CC2D1A: variants seen among roughly 807,000 people sequenced by gnomAD.
CC2D1A encodes the protein coiled-coil and C2 domain containing 1A, also known as coiled-coil and C2 domain-containing protein 1A.
CC2D1A carries 68 observed loss-of-function variants against 123.8 expected under a neutral mutation model. The ratio of observed to expected loss-of-function variants is 0.55; its 90% confidence interval spans 0.45 to 0.67. CC2D1A has a LOEUF of 0.67. Among genes scored for constraint, CC2D1A ranks in the 30% least tolerant of loss-of-function variants. The pLI is 0.00. For synonymous variants in CC2D1A, 477 were observed against 528.0 expected, an observed-to-expected ratio of 0.90 and a Z score of 1.32; for missense variants, 1,185 against 1,290.3, an observed-to-expected ratio of 0.92 and a Z score of 1.25.
At position 13,908,280 on chromosome 19, in the gene CC2D1A, GGTTACAGGCGTGA is replaced by G. The variant is rs140542297; in HGVS notation, c.61-1541_61-1529del. 4.2e-3 allele frequency among the ~76,000 whole-genome samples: 641 copies of G among 152,228 alleles called. 8 individuals carry two copies. The highest frequency in any genetic ancestry group is 0.015 in the African/African-American group (614 of 41,546). ...CTGCCTCGGCCTCCCAAAGTGCTGG[GGTTACAGGCGTGA>G]GCCACCGTGCCCGGCCTAATTTTTG... On this transcript the variant is annotated intron_variant, in intron 1 of 28. Transcript: ENST00000318003.
intron 17 of CC2D1A, among the ~76,000 whole-genome samples, chr19:13,924,828 G>T (rs1971536519): frequency 6.6e-6 from 1 of 151,938 alleles, no homozygotes; most frequent in Non-Finnish European, 1.5e-5. Context: ...GCTGCCCTTG[G>T]GATAACCCCC....
chr19:13,913,709 G>T (rs1370798155), intron 6 of CC2D1A, 71 bp downstream of exon 6: 2 of 1,203,420 alleles, frequency 1.7e-6, no homozygotes, highest in Non-Finnish European at 2.3e-6. Flanking sequence ...GCTCTAGGGG[G>T]GTGCCGGCTG....
rs777508781 is a variant in CC2D1A, at chr19:13,913,689, G to T, written c.748+51G>T. 97 of 1,376,376 alleles carry T rather than the reference G, an allele frequency of 7.0e-5. 1 individual carries two copies. Among genetic ancestry groups the T allele is most frequent in the Non-Finnish European group, 2.0e-6 (2 of 1,012,160 alleles). The allele number at this position is 1,376,376 out of a possible 1,614,324, so 85.3% of individuals were successfully genotyped here. A position where few individuals can be genotyped will look rare whatever the true frequency, so the allele number is the denominator to read the frequency against. ...ATATGGGATCCGAGTGGGCCATCTG[G>T]CAGGATGCTGCTCTAGGGGGGTGCC... is the stretch of plus-strand genomic sequence containing the variant. On this transcript the variant is annotated intron_variant, in intron 6 of 28. Coordinates refer to ENST00000318003, the MANE Select transcript of CC2D1A (RefSeq NM_017721.5).
At chr19:13,912,285 A>G (rs771735986) in intron 2 of CC2D1A, 38 bp from the exon 3 acceptor site, 17 of 1,548,424 alleles carry the variant, frequency 1.1e-5, no homozygotes, top group Admixed American at 7.9e-5. Flanking sequence ...CTCTTGGTGT[A>G]CGACCCTGGT....
At position 13,929,318 on chromosome 19, in the gene CC2D1A, G is replaced by A; in HGVS notation, c.2520-61G>A. The A allele has an allele frequency of 1.9e-6, 3 of 1,566,312 alleles. No homozygotes were observed. In the South Asian group the frequency reaches 3.3e-5, roughly 17 times the overall value. On this transcript the variant is annotated intron_variant, in intron 24 of 28. Coordinates refer to ENST00000318003, the MANE Select transcript of CC2D1A (RefSeq NM_017721.5). ...CTGTGCCCAGCCCAGTGTGTCTTTTGAATTAACAGGGTTGGGCTGGGGGAA... is the reference window on the plus strand; with the variant it reads ...CTGTGCCCAGCCCAGTGTGTCTTTTAAATTAACAGGGTTGGGCTGGGGGAA...
Position 13,927,960 on chromosome 19 carries a change from C to T in CC2D1A, c.2384C>T (p.Thr795Ile). 4 of 1,613,798 alleles carry T rather than the reference C, an allele frequency of 2.5e-6. No individual in the cohort carries two copies. Among genetic ancestry groups the T allele is most frequent in the Non-Finnish European group, 3.4e-6 (4 of 1,179,924 alleles). Reference protein sequence around the residue: ...EVMVRIREPLTAQQLETTTER... With the variant: ...EVMVRIREPLIAQQLETTTER... ...ATGGTCCGGATTCGGGAGCCACTGA[C>T]AGCCCAGCAGTTGGAGACGACGACA... is the stretch of plus-strand genomic sequence containing the variant. The change falls in exon 23 of 29, where the codon ACA (threonine) becomes ATA (isoleucine). Residue 795 changes from threonine (T) to isoleucine (I), a missense_variant. Physicochemically the swap from Thr to Ile is moderately conservative, Grantham distance 89. Coordinates refer to ENST00000318003, the MANE Select transcript of CC2D1A (RefSeq NM_017721.5).
chr19:13,919,335 T>C (rs1971327299), intron 11 of CC2D1A, 133 bp downstream of exon 11: 1 of 669,262 alleles, frequency 1.5e-6, no homozygotes. Context: ...CAGATGCTAT[T>C]ACTCCCCATA....
chr19:13,927,855 C>T, intron 22 of CC2D1A, 38 bp from the exon 23 acceptor site: 2 of 1,606,446 alleles, frequency 1.2e-6, no homozygotes, highest in Non-Finnish European at 1.7e-6. Context: ...TAGTCACTTC[C>T]TGCTTCCCAC....
chr19:13,918,318 T>G (rs774092516), intron 7 of CC2D1A, 124 bp downstream of exon 7: 12 of 1,257,768 alleles, frequency 9.5e-6, no homozygotes, highest in Admixed American at 2.8e-5. Context: ...TTGCTGTAAG[T>G]CTTGGAGCCT....
chr19:13,928,343 T>C (rs531427474), intron 24 of CC2D1A, among the ~76,000 whole-genome samples, 155 bp downstream of exon 24: 4 of 152,238 alleles, frequency 2.6e-5, no homozygotes, highest in Non-Finnish European at 2.9e-5. Context: ...CAGTTTAAAC[T>C]CCTTGGTTTG....
At chr19:13,907,060 C>T (rs530875282) in intron 1 of CC2D1A, among the ~76,000 whole-genome samples, 9 of 152,182 alleles carry the variant, frequency 5.9e-5, no homozygotes, top group Admixed American at 2.6e-4. Flanking sequence ...GTCTGGCTGA[C>T]CTGAAGTTCC....
At position 13,918,785 on chromosome 19, in the gene CC2D1A, C is replaced by A; in HGVS notation, c.986C>A (p.Pro329His). The A allele has an allele frequency of 6.2e-7, 1 of 1,613,552 alleles. No individual in the cohort carries two copies. Among genetic ancestry groups the A allele is most frequent in the Non-Finnish European group, 8.5e-7 (1 of 1,179,786 alleles). Residue 329 changes from proline (P) to histidine (H), a missense_variant, in exon 9 of 29, where the codon CCT becomes CAT. Physicochemically the swap from Pro to His is moderately conservative, Grantham distance 77. Coordinates refer to ENST00000318003, the MANE Select transcript of CC2D1A (RefSeq NM_017721.5). ...PPDPPSPPSQPPTPATAPSTT... is the reference protein window; with the variant it reads ...PPDPPSPPSQHPTPATAPSTT... ...GACCCACCGTCACCACCGTCGCAGC[C>A]TCCGACCCCCGCTACGGCGCCCTCC... is the stretch of plus-strand genomic sequence containing the variant.
At chr19:13,913,371 T>A (rs16979412) in intron 5 of CC2D1A, 33 bp from the exon 6 acceptor site, 2 of 1,609,258 alleles carry the variant, frequency 1.2e-6, no homozygotes, top group African/African-American at 2.7e-5. Flanking sequence ...AGCTCTTGGC[T>A]TCTCCCAAAC....
chr19:13,927,320 A>G (rs1186112128), intron 22 of CC2D1A, 55 bp downstream of exon 22: 2 of 1,443,394 alleles, frequency 1.4e-6, no homozygotes, highest in Non-Finnish European at 2.0e-6. Flanking sequence ...ACTCGTTAAC[A>G]TTATTAAAAC....
chr19:13,907,227 G>A (rs1176592732), intron 1 of CC2D1A, among the ~76,000 whole-genome samples: 1 of 152,024 alleles, frequency 6.6e-6, no homozygotes, highest in East Asian at 1.9e-4. Context: ...AGACCAGCCT[G>A]GGCAAAAGCA....
In CC2D1A at chr19:13,930,524, G is replaced by T; in HGVS notation, c.*129G>T. The T allele has an allele frequency of 8.9e-7, 1 of 1,129,388 alleles. No homozygotes were observed. Among genetic ancestry groups the T allele is most frequent in the South Asian group, 1.6e-5 (1 of 61,842 alleles). 70.0% of individuals were successfully genotyped at this position (1,129,388 alleles called of 1,614,324 possible). Reference sequence around the variant, plus strand: ...TCGGTTCTGGACTCACCCCTCATCCGGGCCCCCAGCCCCGCCAGAGCCTCC... The same window carrying T: ...TCGGTTCTGGACTCACCCCTCATCCTGGCCCCCAGCCCCGCCAGAGCCTCC... On this transcript the variant is annotated 3_prime_UTR_variant, in exon 29 of 29. Transcript: ENST00000318003. The surrounding 1 kb of genome is among the most constrained non-coding windows in gnomAD (Gnocchi z 6.8).
Position 13,930,051 on chromosome 19 carries a change from CTCCATTCCCCCGCCA to C in CC2D1A, c.2711-19_2711-5del. 6.2e-7 allele frequency: 1 copy of C among 1,608,674 alleles called. No homozygotes were observed. Among genetic ancestry groups the C allele is most frequent in the South Asian group, 1.1e-5 (1 of 90,252 alleles). The stretch of plus-strand genomic sequence containing the variant: ...TGGGCAGTGAGGCCCCACCCTAAGC[CTCCATTCCCCCGCCA>C]TCCATTCTCAGAATACGCAGCCCAG... On this transcript the variant is annotated splice_polypyrimidine_tract_variant and intron_variant, in intron 26 of 28. Transcript: ENST00000318003. This position sits in a 1 kb window ranked among gnomAD's most constrained non-coding sequence, Gnocchi z 6.8.
At chr19:13,910,407 C>CAAAAA (rs766322114) in intron 2 of CC2D1A, among the ~76,000 whole-genome samples, 2 of 40,872 alleles carry the variant, frequency 4.9e-5, no homozygotes, top group African/African-American at 7.9e-5. Flanking sequence ...GACTCCGTCT[C>CAAAAA]AAAAAAAAAA....
rs1361421062 is a variant in CC2D1A at position 13,906,440 on chromosome 19, A to C, written c.-2A>C. On this transcript the variant is annotated 5_prime_UTR_variant, in exon 1 of 29. Transcript: ENST00000318003. The surrounding 1 kb of genome is among the most constrained non-coding windows in gnomAD (Gnocchi z 4.1). Reference sequence around the variant, plus strand: ...AGGTGGTCCGGGCATCCAGCCTTGAAGATGCACAAGAGGAAAGGACCCCCG... The same window carrying C: ...AGGTGGTCCGGGCATCCAGCCTTGACGATGCACAAGAGGAAAGGACCCCCG... 4 of 1,517,770 alleles carry C rather than the reference A, an allele frequency of 2.6e-6. No individual in the cohort carries two copies. Among genetic ancestry groups the C allele is most frequent in the Middle Eastern group, 1.8e-4 (1 of 5,622 alleles). The allele number at this position is 1,517,770 out of a possible 1,614,324, so 94.0% of individuals were successfully genotyped here.
Sources: allele counts gnomAD v4.1 joint callset (sites outside exome capture counted in the v4.1 genomes callset), GRCh38; gene constraint gnomAD v4.1.1; non-coding constraint Gnocchi (gnomAD v3.1); transcripts MANE v1.5; gene names NCBI Gene and HGNC (gene_info 2026-07-23, HGNC 2026-07-21).